Variants in ILDR2 observed in about 807,000 individuals in gnomAD.
ILDR2 encodes immunoglobulin-like domain-containing receptor 2.
In ILDR2, 25 loss-of-function variants were observed where a neutral mutation model predicts 66.8. The ratio of observed to expected loss-of-function variants is 0.37; its 90% CI spans 0.27 to 0.52. The LOEUF (loss-of-function observed/expected upper bound fraction) is 0.52. Ranked by LOEUF, ILDR2 falls within the 20% of genes least tolerant of loss-of-function variation. The probability of loss-of-function intolerance (pLI) is 0.88; values close to 1 mark genes in which losing one functional copy is unlikely to be tolerated. For synonymous variants in ILDR2, 367 were observed against 357.2 expected (o/e 1.03, Z -0.31); for missense variants, 827 against 876.8 (o/e 0.94, Z 0.72).
At position 166,919,292 on chromosome 1, in the gene ILDR2, A is replaced by G. The variant is rs1659761277; in HGVS notation, c.*63T>C. The G allele has an allele frequency of 1.3e-6, 2 of 1,484,718 alleles. No individual in the cohort carries two copies. Among genetic ancestry groups the G allele is most frequent in the Non-Finnish European group, 1.9e-6 (2 of 1,069,556 alleles). The allele number at this position is 1,484,718 out of a possible 1,614,324, so 92.0% of individuals were successfully genotyped here. ...AGGTCCTGGGCCTGCTGGTTCTTAG[A>G]TTTGTGTCTTGTCCCCGTAGTCCAT... On this transcript the variant is annotated 3_prime_UTR_variant, in exon 10 of 10. Coordinates refer to ENST00000271417, the MANE Select transcript of ILDR2 (RefSeq NM_199351.3).
At chr1:166,951,732 T>C (rs1199105749) in intron 3 of ILDR2, among the ~76,000 whole-genome samples, 1 of 152,182 alleles carries the variant, frequency 6.6e-6, no homozygotes, top group African/African-American at 2.4e-5. Flanking sequence ...AAAGCCAGAA[T>C]CATAGAAAGT....
Position 166,901,963 on chromosome 1 carries a change from C to T in ILDR2, n.171+5090G>A, listed in dbSNP as rs962649401. Reference sequence around the variant, plus strand: ...GCAACCTCCGCCTCCCGGGTTCAGGCGATTCTCCCGCCTCAGCCTCCCGAG... The same window carrying T: ...GCAACCTCCGCCTCCCGGGTTCAGGTGATTCTCCCGCCTCAGCCTCCCGAG... On this transcript the variant is annotated intron_variant and non_coding_transcript_variant, in intron 2 of 2. Transcript: ENST00000414590. 1.2e-4 allele frequency among the ~76,000 whole-genome samples: 19 copies of T among 152,210 alleles called. No homozygotes were observed. The East Asian group carries it at 1.5e-3, about 12-fold the overall frequency.
At position 166,914,639 on chromosome 1, in the gene ILDR2, G is replaced by T. The variant is rs1400697863; in HGVS notation, c.*4716C>A. The stretch of plus-strand genomic sequence containing the variant: ...AAATAGTGCTAAAGCTCAGGCTGCT[G>T]CTTAAAGCATCTCAACACTGCCCTT... On this transcript the variant is annotated 3_prime_UTR_variant, in exon 10 of 10. Transcript: ENST00000271417. 6.6e-6 allele frequency: 1 copy of T among 152,196 alleles called. No homozygotes were observed. The highest frequency in any genetic ancestry group is 1.5e-5 in the Non-Finnish European group (1 of 68,048). The allele number at this position is 152,196 out of a possible 1,614,324, so 9.4% of individuals were successfully genotyped here.
chr1:166,910,427 C>A lies in ILDR2; in HGVS notation c.*8928G>T, dbSNP rs997936159. The stretch of plus-strand genomic sequence containing the variant: ...TTTGTTTTTCAAAAGCCAAATTCAT[C>A]TATATAAATTCATATATAGCATTAA... On this transcript the variant is annotated 3_prime_UTR_variant, in exon 10 of 10. Transcript: ENST00000271417. The A allele has an allele frequency of 2.0e-5, 3 of 152,198 alleles. No homozygotes were observed. The highest frequency in any genetic ancestry group is 4.4e-5 in the Non-Finnish European group (3 of 68,032). The allele number at this position is 152,198 out of a possible 1,614,324, so 9.4% of individuals were successfully genotyped here.
intron 7 of ILDR2, 138 bp downstream of exon 7, chr1:166,926,929 C>G: frequency 1.8e-6 from 1 of 556,072 alleles, no homozygotes; most frequent in South Asian, 2.8e-5. Flanking sequence ...GAGCTACTTT[C>G]TTCAGTAGTG....
chr1:166,928,588 G>T (rs1403983843), intron 6 of ILDR2, among the ~76,000 whole-genome samples: 2 of 152,194 alleles, frequency 1.3e-5, no homozygotes, highest in Non-Finnish European at 2.9e-5. Context: ...CCATATGACT[G>T]CATGTAAATT....
chr1:166,921,086 C>T lies in ILDR2; in HGVS notation c.1505G>A (p.Arg502His). The T allele has an allele frequency of 2.7e-6, 4 of 1,491,496 alleles. No individual in the cohort carries two copies. In the South Asian group the frequency reaches 3.9e-5, roughly 14 times the overall value. 92.4% of individuals were successfully genotyped at this position (1,491,496 alleles called of 1,614,324 possible). ...DRGWAFSPAR[R>H]RPAEDAHLPR... is the part of the protein sequence containing the mutation. ...CAGGTGCGCGTCCTCGGCGGGTCTG[C>T]GGCGCGCGGGGCTGAAGGCCCAGCC... Residue 502 changes from arginine to histidine, a missense_variant, in exon 9 of 10, where the codon CGC (arginine) becomes CAC (histidine). Around this residue, in one of 2 missense-constraint regions of ILDR2, gnomAD observed 390 missense variants for 353.6 expected, o/e 1.10. Transcript: ENST00000271417. The surrounding 1 kb of genome is among the most constrained non-coding windows in gnomAD (Gnocchi z 5.3).
chr1:166,905,599 C>T (rs555269674), downstream of ILDR2, among the ~76,000 whole-genome samples: 1 of 152,220 alleles, frequency 6.6e-6, no homozygotes, highest in East Asian at 1.9e-4. Flanking sequence ...TCTGAGATGT[C>T]CAACCCTGAT....
intron 6 of ILDR2, among the ~76,000 whole-genome samples, chr1:166,934,421 C>T (rs1214516428): frequency 6.6e-6 from 1 of 152,192 alleles, no homozygotes; most frequent in Non-Finnish European, 1.5e-5. Context: ...ACACATTTCA[C>T]TCCCATTGTC....
intron 1 of ILDR2, among the ~76,000 whole-genome samples, chr1:166,958,408 G>A (rs1278690419): frequency 2.6e-5 from 4 of 152,028 alleles, no homozygotes; most frequent in African/African-American, 4.8e-5. Context: ...GAGTTCTCAC[G>A]AGATCTGATG....
At chr1:166,961,744 T>C (rs1662631625) in intron 1 of ILDR2, among the ~76,000 whole-genome samples, 1 of 152,248 alleles carries the variant, frequency 6.6e-6, no homozygotes, top group Admixed American at 6.5e-5. Flanking sequence ...GTCTGATGAC[T>C]TCTGTGAAGC....
chr1:166,971,893 A>G (rs1266825013), intron 1 of ILDR2, among the ~76,000 whole-genome samples: 1 of 152,204 alleles, frequency 6.6e-6, no homozygotes, highest in Non-Finnish European at 1.5e-5. Flanking sequence ...CTTGTAGAAT[A>G]GACAAACAAG....
intron 3 of ILDR2, among the ~76,000 whole-genome samples, chr1:166,952,792 C>G (rs1295774867): frequency 2.0e-5 from 3 of 152,072 alleles, no homozygotes; most frequent in Non-Finnish European, 4.4e-5. Context: ...ATAGCTTATT[C>G]TATAGCTTCT....
intron 1 of ILDR2, among the ~76,000 whole-genome samples, chr1:166,970,854 G>A (rs1052991231): frequency 2.0e-5 from 3 of 152,204 alleles, no homozygotes; most frequent in Non-Finnish European, 2.9e-5. Context: ...GACGAAAGAA[G>A]ATGGACGAGG....
intron 2 of ILDR2, among the ~76,000 whole-genome samples, chr1:166,899,521 T>A (rs1361543487): frequency 6.6e-6 from 1 of 152,248 alleles, no homozygotes; most frequent in Non-Finnish European, 1.5e-5. Context: ...TTGTGTAAGC[T>A]GTAATTGAGT....
rs562866416 is a variant in ILDR2, at chr1:166,901,930, G to C, written n.171+5123C>G. On this transcript the variant is annotated intron_variant and non_coding_transcript_variant, in intron 2 of 2. Transcript: ENST00000414590. ...AGCTGGAGTGCAGTGGCGTGATCTC[G>C]GCTCACTGCAACCTCCGCCTCCCGG... Among the ~76,000 whole-genome samples the C allele has an allele frequency of 1.4e-4, 21 of 152,272 alleles. No individual in the cohort carries two copies. In the South Asian group the frequency reaches 1.5e-3, roughly 11 times the overall value.
chr1:166,939,617 G>A (rs907220988), intron 3 of ILDR2, 47 bp from the exon 4 acceptor site: 11 of 1,546,858 alleles, frequency 7.1e-6, no homozygotes, highest in African/African-American at 1.4e-5. Flanking sequence ...TTATTCCAAG[G>A]GAAAACATAG....
rs554777278 is a variant in ILDR2, at chr1:166,915,425, T to C, written c.*3930A>G. 11 of 152,322 alleles carry C rather than the reference T, an allele frequency of 7.2e-5. No homozygotes were observed. The highest frequency in any genetic ancestry group is 1.4e-4 in the African/African-American group (6 of 41,566). 9.4% of individuals were successfully genotyped at this position (152,322 alleles called of 1,614,324 possible). A position where few individuals can be genotyped will look rare whatever the true frequency, so the allele number is the denominator to read the frequency against. Reference sequence around the variant, plus strand: ...ATCTGATCACAGGAGTCTCCTGGAATGCATATTAAAAATATGAATTCTGGC... The same window carrying C: ...ATCTGATCACAGGAGTCTCCTGGAACGCATATTAAAAATATGAATTCTGGC... On this transcript the variant is annotated 3_prime_UTR_variant, in exon 10 of 10. Coordinates refer to ENST00000271417, the MANE Select transcript of ILDR2 (RefSeq NM_199351.3).
intron 2 of ILDR2, among the ~76,000 whole-genome samples, chr1:166,902,166 T>C (rs1659276093): frequency 6.6e-6 from 1 of 152,274 alleles, no homozygotes; most frequent in African/African-American, 2.4e-5. Flanking sequence ...AGCCAGTTTC[T>C]TTCTTTTGAC....
Sources: gnomAD v4.1 joint callset for allele counts (sites outside exome capture counted in the v4.1 genomes callset) on GRCh38, gnomAD v4.1.1 for gene constraint, gnomAD v4.1.1 regional missense constraint, Gnocchi (gnomAD v3.1) non-coding constraint, MANE v1.5 for transcripts, NCBI Gene and HGNC (gene_info 2026-07-23, HGNC 2026-07-21) for gene names.